SYTL4: variants seen among roughly 807,000 people sequenced by gnomAD.
The protein encoded by SYTL4 is synaptotagmin-like protein 4.
In SYTL4, 16 loss-of-function variants were observed where a neutral mutation model predicts 52.7. The ratio of observed to expected loss-of-function variants is 0.30; its 90% CI spans 0.21 to 0.46. The LOEUF (loss-of-function observed/expected upper bound fraction) is 0.46, where lower values mean the gene tolerates loss of function less well. SYTL4 is among the 20% of genes least tolerant of loss of function. SYTL4 has a pLI of 1.00. For missense variants in SYTL4, 423 were observed against 519.9 expected (o/e 0.81, Z 1.81); for synonymous variants, 160 against 186.6 (o/e 0.86, Z 1.16).
intron 16 of SYTL4, among the ~76,000 whole-genome samples, chrX:100,684,434 A>G (rs2147695506): frequency 8.9e-6 from 1 of 111,906 alleles, no homozygotes; most frequent in African/African-American, 3.2e-5. Context: ...AAGAGCAAAA[A>G]AGAATTCAAA....
chrX:100,726,243 C>A (rs377149417), intron 2 of SYTL4, among the ~76,000 whole-genome samples: 12 of 110,421 alleles, frequency 1.1e-4, no homozygotes, highest in African/African-American at 4.0e-4. Flanking sequence ...AACTTTTTTC[C>A]AGTTTTATGG....
chrX:100,699,401 A>C (rs2083789709), intron 8 of SYTL4, among the ~76,000 whole-genome samples: 1 of 107,716 alleles, frequency 9.3e-6, no homozygotes, highest in South Asian at 4.1e-4. Flanking sequence ...AAGAAAAGAA[A>C]AAAGAAAAGA....
Position 100,689,841 on chromosome X carries a change from T to C in SYTL4, c.912+15A>G. ...AATTTCATATAGTGACCAAGTAAAA[T>C]ATAAGGGCACCTACCATATCCACAT... On this transcript the variant is annotated intron_variant, in intron 12 of 19. Transcript: ENST00000372989. 1 of 1,147,615 alleles carries C rather than the reference T, an allele frequency of 8.7e-7. No homozygotes were observed. The highest frequency in any genetic ancestry group is 1.2e-6 in the Non-Finnish European group (1 of 845,977). The allele number at this position is 1,147,615 out of a possible 1,213,427, so 94.6% of individuals were successfully genotyped here. A position where few individuals can be genotyped will look rare whatever the true frequency, so the allele number is the denominator to read the frequency against.
chrX:100,681,603 C>T (rs1377118654), intron 16 of SYTL4, among the ~76,000 whole-genome samples: 1 of 111,700 alleles, frequency 9.0e-6, no homozygotes, highest in Admixed American at 9.5e-5. Flanking sequence ...TTACTAGATT[C>T]CAAATACTCT....
At chrX:100,714,450 A>G (rs927776917) in intron 2 of SYTL4, among the ~76,000 whole-genome samples, 68 of 110,746 alleles carry the variant, frequency 6.1e-4, no homozygotes, top group African/African-American at 1.7e-3. Context: ...TAGTAGAGAC[A>G]GGGTTTCACC....
rs370671348 is a variant in SYTL4, at chrX:100,675,637, G to A, written c.*391C>T. 2.0e-4 allele frequency: 24 copies of A among 118,394 alleles called. No individual in the cohort carries two copies. In the East Asian group the frequency reaches 2.7e-3, roughly 13 times the overall value. 9.8% of individuals were successfully genotyped at this position (118,394 alleles called of 1,213,427 possible). ...TTAAAACCCAGACTGGTCCTAATGC[G>A]AAAGGTAGCCAGGGCTTCCTAGGGA... On this transcript the variant is annotated 3_prime_UTR_variant, in exon 20 of 20. Transcript: ENST00000372989.
chrX:100,682,009 T>C (rs966619628), intron 16 of SYTL4, among the ~76,000 whole-genome samples: 1 of 112,207 alleles, frequency 8.9e-6, no homozygotes, highest in African/African-American at 3.2e-5. Context: ...GTACTTTAGG[T>C]GTATCATTTT....
Position 100,694,020 on chromosome X carries a change from G to A in SYTL4, c.540-2811C>T, listed in dbSNP as rs1311182856. Among the ~76,000 whole-genome samples the A allele has an allele frequency of 3.6e-5, 4 of 111,971 alleles. No individual in the cohort carries two copies. In the East Asian group the frequency reaches 1.1e-3, roughly 31 times the overall value. On this transcript the variant is annotated intron_variant, in intron 8 of 19. Coordinates refer to ENST00000372989, the MANE Select transcript of SYTL4 (RefSeq NM_001370165.1). ...AGACAGAAAGCATATTAGGGGCTGG[G>A]GTAAATGGAGGTGGCTACTTAATGG...
chrX:100,721,383 T>C (rs189325671), intron 2 of SYTL4, among the ~76,000 whole-genome samples: 8 of 111,939 alleles, frequency 7.1e-5, no homozygotes, highest in Admixed American at 1.9e-4. Flanking sequence ...ATAAGGATGT[T>C]CTTTTAGTTT....
intron 2 of SYTL4, among the ~76,000 whole-genome samples, chrX:100,723,721 C>T (rs1353577477): frequency 9.1e-6 from 1 of 109,918 alleles, no homozygotes; most frequent in African/African-American, 3.3e-5. Context: ...TGAGGAGCGT[C>T]TCTGCCCGGC....
At chrX:100,687,329 C>A in intron 13 of SYTL4, 84 bp from the exon 14 acceptor site, 1 of 887,435 alleles carries the variant, frequency 1.1e-6, no homozygotes, top group East Asian at 3.1e-5. Context: ...GATAAAACCA[C>A]AGTCACTGAA....
chrX:100,706,530 G>C (rs2083960315), intron 2 of SYTL4, among the ~76,000 whole-genome samples: 1 of 112,539 alleles, frequency 8.9e-6, no homozygotes. Context: ...AATCAGTAAT[G>C]AGGAGCAGAA....
chrX:100,719,748 C>T (rs2858172), intron 2 of SYTL4, among the ~76,000 whole-genome samples: 43,587 of 109,459 alleles, frequency 0.4, 7,698 homozygotes, highest in Non-Finnish European at 0.53. Flanking sequence ...TTTGTTAGCT[C>T]TTAGAATCAT....
At position 100,682,713 on chromosome X, in the gene SYTL4, C is replaced by G. The variant is rs1371377836; in HGVS notation, c.1450-1378G>C. On this transcript the variant is annotated intron_variant, in intron 16 of 19. Transcript: ENST00000372989. ...CAGAGCCAGACCCTGTCCCTCCCCC[C>G]AAAAAAAGAAAAAAGGAGGGCTTGC... Among the ~76,000 whole-genome samples, 6 of 110,332 alleles carry G rather than the reference C, an allele frequency of 5.4e-5. No individual in the cohort carries two copies. In the Admixed American group the frequency reaches 5.8e-4, roughly 11 times the overall value.
At chrX:100,721,523 T>C (rs1246031108) in intron 2 of SYTL4, among the ~76,000 whole-genome samples, 1 of 112,057 alleles carries the variant, frequency 8.9e-6, no homozygotes, top group Non-Finnish European at 1.9e-5. Flanking sequence ...ATTTGTTGAA[T>C]GAATGAGCTG....
At chrX:100,703,897 G>C (rs2083905764) in intron 3 of SYTL4, among the ~76,000 whole-genome samples, 1 of 112,182 alleles carries the variant, frequency 8.9e-6, no homozygotes, top group African/African-American at 3.2e-5. Context: ...GAAAGGTCTA[G>C]AACAAAAGCC....
At chrX:100,714,252 T>C (rs2084142052) in intron 2 of SYTL4, among the ~76,000 whole-genome samples, 1 of 100,612 alleles carries the variant, frequency 9.9e-6, no homozygotes, top group Admixed American at 1.2e-4. Flanking sequence ...ACTAAAATAT[T>C]TTATGTCAAG....
chrX:100,690,009 T>C (rs2083561945), intron 11 of SYTL4, 50 bp from the exon 12 acceptor site: 2 of 1,154,265 alleles, frequency 1.7e-6, no homozygotes, highest in East Asian at 3.0e-5. Flanking sequence ...TTCTTCTCCA[T>C]ACCAAGAGCC....
chrX:100,705,646 C>G (rs1471197840), intron 2 of SYTL4, among the ~76,000 whole-genome samples: 3 of 111,419 alleles, frequency 2.7e-5, no homozygotes, highest in Non-Finnish European at 5.6e-5. Flanking sequence ...GATTTAAAAA[C>G]TGGTGCTTGT....
Sources: gnomAD v4.1 joint callset for allele counts (sites outside exome capture counted in the v4.1 genomes callset) on GRCh38, gnomAD v4.1.1 for gene constraint, MANE v1.5 for transcripts, NCBI Gene and HGNC (gene_info 2026-07-23, HGNC 2026-07-21) for gene names.